Variants in EPHA6 observed in about 807,000 individuals in gnomAD.
The protein encoded by EPHA6 is ephrin type-A receptor 6.
EPHA6 carries 50 observed loss-of-function variants against 112.0 expected under a neutral mutation model. The observed-to-expected ratio is 0.45, with a 90% CI of 0.36 to 0.56. EPHA6 has a LOEUF of 0.56. Among genes scored for constraint, EPHA6 ranks in the 20% least tolerant of loss-of-function variants. The pLI is 0.00. For synonymous variants in EPHA6, 529 were observed against 490.7 expected (o/e 1.08, Z -1.03); for missense variants, 1,280 against 1,417.4 (o/e 0.90, Z 1.56).
intron 11 of EPHA6, among the ~76,000 whole-genome samples, chr3:97,539,071 C>T (rs897858205): frequency 2.2e-4 from 12 of 55,432 alleles, no homozygotes; most frequent in African/African-American, 8.2e-4. Flanking sequence ...TTCTTCCCTT[C>T]CTTCCTTCCT....
chr3:97,640,174 C>T (rs1041258955), intron 14 of EPHA6, among the ~76,000 whole-genome samples: 20 of 151,742 alleles, frequency 1.3e-4, no homozygotes, highest in Admixed American at 1.1e-3. Context: ...CTGAAGAAGG[C>T]GTCACAAAAA....
chr3:97,708,930 C>G (rs2033819961), intron 14 of EPHA6, among the ~76,000 whole-genome samples: 2 of 152,152 alleles, frequency 1.3e-5, no homozygotes, highest in Admixed American at 1.3e-4. Context: ...GGGGCATCTA[C>G]CTAGATTTCA....
intron 3 of EPHA6, among the ~76,000 whole-genome samples, chr3:97,012,607 G>A (rs2612270): frequency 0.016 from 2,058 of 132,048 alleles, 37 homozygotes; most frequent in African/African-American, 0.054. Flanking sequence ...GTGTGTGTGT[G>A]TATATATATA....
intron 7 of EPHA6, among the ~76,000 whole-genome samples, chr3:97,464,897 T>C (rs926589865): frequency 6.6e-6 from 1 of 152,106 alleles, no homozygotes; most frequent in African/African-American, 2.4e-5. Context: ...TTTGATAAAG[T>C]TGGTGATGCT....
In EPHA6 at chr3:97,754,169, A is replaced by G. The variant is rs544427019; in HGVS notation, c.*5468A>G. Among the ~76,000 whole-genome samples the G allele has an allele frequency of 6.7e-6, 1 of 149,548 alleles. No individual in the cohort carries two copies. Among genetic ancestry groups the G allele is most frequent in the African/African-American group, 2.5e-5 (1 of 40,636 alleles). ...AATGGTGCAATCTTGGCTCACCACA[A>G]CCTCCGCCTCCCAGGTTCAAGCAAT... On this transcript the variant is annotated 3_prime_UTR_variant, in exon 18 of 18. Transcript: ENST00000389672.
intron 3 of EPHA6, among the ~76,000 whole-genome samples, chr3:97,143,355 C>G (rs2075958658): frequency 6.6e-6 from 1 of 151,650 alleles, no homozygotes; most frequent in Non-Finnish European, 1.5e-5. Context: ...AAACTATATG[C>G]ATTATGTTCT....
Position 96,914,402 on chromosome 3 carries a change from A to G in EPHA6, c.450+47513A>G, listed in dbSNP as rs191812687. On this transcript the variant is annotated intron_variant, in intron 2 of 17. Coordinates refer to ENST00000389672, the MANE Select transcript of EPHA6 (RefSeq NM_001080448.3). The stretch of plus-strand genomic sequence containing the variant: ...CCGTTAGTAAATATTATCATTGTTA[A>G]AAATACCATTCCTTTGTAAATAGCA... 3.9e-3 allele frequency among the ~76,000 whole-genome samples: 600 copies of G among 152,298 alleles called. 2 individuals are homozygous for G. The highest frequency in any genetic ancestry group is 6.8e-3 in the Non-Finnish European group (462 of 67,994).
intron 6 of EPHA6, among the ~76,000 whole-genome samples, chr3:97,409,622 T>G (rs952802413): frequency 6.6e-6 from 1 of 152,068 alleles, no homozygotes; most frequent in Non-Finnish European, 1.5e-5. Flanking sequence ...ATTTTGCATC[T>G]GCAAAATGGC....
At chr3:97,341,314 C>A (rs2083291828) in intron 5 of EPHA6, among the ~76,000 whole-genome samples, 1 of 151,614 alleles carries the variant, frequency 6.6e-6, no homozygotes, top group Non-Finnish European at 1.5e-5. Context: ...GACTCAACAG[C>A]TGGAGTCTCT....
At chr3:97,717,082 T>A (rs1367237179) in intron 14 of EPHA6, among the ~76,000 whole-genome samples, 2 of 151,660 alleles carry the variant, frequency 1.3e-5, no homozygotes, top group Non-Finnish European at 2.9e-5. Context: ...TACAAAAAAA[T>A]TAGCTGGGCG....
chr3:97,208,443 C>T (rs558081296), intron 3 of EPHA6, among the ~76,000 whole-genome samples: 1 of 152,174 alleles, frequency 6.6e-6, no homozygotes, highest in South Asian at 2.1e-4. Context: ...TACAGCTGGA[C>T]TGTAAAAATG....
chr3:96,983,436 G>T (rs1233447885), intron 2 of EPHA6, among the ~76,000 whole-genome samples: 1 of 152,142 alleles, frequency 6.6e-6, no homozygotes, highest in African/African-American at 2.4e-5. Flanking sequence ...TTAGTCTGAT[G>T]GGTTTCCCTT....
At chr3:97,427,539 G>A (rs1014656044) in intron 6 of EPHA6, among the ~76,000 whole-genome samples, 3 of 152,106 alleles carry the variant, frequency 2.0e-5, no homozygotes, top group Non-Finnish European at 4.4e-5. Context: ...GCCTACTGGA[G>A]GGTGAAGAGT....
chr3:96,930,297 C>A (rs540667793), intron 2 of EPHA6, among the ~76,000 whole-genome samples: 1 of 152,076 alleles, frequency 6.6e-6, no homozygotes, highest in African/African-American at 2.4e-5. Flanking sequence ...AAGGGGCACT[C>A]TATATTTTTG....
intron 2 of EPHA6, among the ~76,000 whole-genome samples, chr3:96,915,109 C>T (rs1008252246): frequency 2.0e-5 from 3 of 151,400 alleles, no homozygotes; most frequent in African/African-American, 7.3e-5. Context: ...ATTTTTAAAG[C>T]TAAAATGGTG....
chr3:97,674,915 A>G (rs2031215660), intron 14 of EPHA6, among the ~76,000 whole-genome samples: 1 of 152,034 alleles, frequency 6.6e-6, no homozygotes, highest in Non-Finnish European at 1.5e-5. Context: ...TGGGCATCTG[A>G]ATTTGGGGTG....
At chr3:96,984,192 C>A (rs2042927532) in intron 2 of EPHA6, among the ~76,000 whole-genome samples, 1 of 152,042 alleles carries the variant, frequency 6.6e-6, no homozygotes, top group East Asian at 1.9e-4. Flanking sequence ...TTTTATCTAC[C>A]TTTGGTCTTT....
At chr3:97,446,652 G>A (rs189488033) in intron 6 of EPHA6, among the ~76,000 whole-genome samples, 388 of 152,140 alleles carry the variant, frequency 2.6e-3, no homozygotes, top group African/African-American at 8.6e-3. Flanking sequence ...TAACTCTTAC[G>A]TTGTAGAAAT....
intron 5 of EPHA6, among the ~76,000 whole-genome samples, chr3:97,279,665 G>A (rs1036623722): frequency 1.3e-5 from 2 of 152,078 alleles, no homozygotes; most frequent in Admixed American, 6.5e-5. Flanking sequence ...TGATCAAGGT[G>A]GATTCAAGGA....
Sources: allele counts gnomAD v4.1 joint callset (sites outside exome capture counted in the v4.1 genomes callset), GRCh38; gene constraint gnomAD v4.1.1; transcripts MANE v1.5; gene names NCBI Gene and HGNC (gene_info 2026-07-23, HGNC 2026-07-21).